Variants in HEMK2 observed in about 807,000 individuals in gnomAD.
HEMK2 encodes HemK methyltransferase 2, ETF1 glutamine and histone H4 lysine, also known as methyltransferase HEMK2.
At chr21:28,673,472 C>CACTT in the HEMK2 span, among the ~76,000 whole-genome samples, 2 of 148,368 alleles carry the variant, frequency 1.3e-5, no homozygotes, top group Non-Finnish European at 3.0e-5. Context: ...CAAACTCAAA[C>CACTT]ACTTAGCTCA....
At chr21:28,827,611 A>T in the HEMK2 span, among the ~76,000 whole-genome samples, 2 of 152,182 alleles carry the variant, frequency 1.3e-5, no homozygotes, top group Non-Finnish European at 2.9e-5. Flanking sequence ...TAACTAGTTT[A>T]CCCTCAGTCT....
the HEMK2 span, among the ~76,000 whole-genome samples, chr21:28,827,311 T>A: frequency 6.6e-6 from 1 of 152,200 alleles, no homozygotes; most frequent in African/African-American, 2.4e-5. Context: ...TTATTCTCAG[T>A]GCAACTAACT....
chr21:28,882,920 T>C, the HEMK2 span: 1 of 1,130,694 alleles, frequency 8.8e-7, no homozygotes, highest in East Asian at 2.5e-5. Flanking sequence ...CTTTAAAAAT[T>C]ATTTCATTAG....
At chr21:28,607,627 T>A in the HEMK2 span, among the ~76,000 whole-genome samples, 1 of 152,284 alleles carries the variant, frequency 6.6e-6, no homozygotes, top group East Asian at 1.9e-4. Context: ...TGTCTGCCTT[T>A]GAGATTAAAC....
chr21:28,580,568 TAAAA>T, the HEMK2 span, among the ~76,000 whole-genome samples: 15 of 148,240 alleles, frequency 1.0e-4, no homozygotes, highest in Admixed American at 2.0e-4. Flanking sequence ...TTAATGCACT[TAAAA>T]AAAAAAAGAC....
chr21:28,836,007 G>A, the HEMK2 span, among the ~76,000 whole-genome samples: 3 of 151,984 alleles, frequency 2.0e-5, no homozygotes, highest in East Asian at 1.9e-4. Context: ...ACAACCAAAC[G>A]TAATAATCAG....
the HEMK2 span, chr21:28,883,016 C>T: frequency 6.2e-7 from 1 of 1,607,090 alleles, no homozygotes; most frequent in Non-Finnish European, 8.5e-7. Context: ...ATCATAGAGG[C>T]TAGGAATGCA....
the HEMK2 span, among the ~76,000 whole-genome samples, chr21:28,684,298 G>A: frequency 6.6e-6 from 1 of 152,238 alleles, no homozygotes; most frequent in African/African-American, 2.4e-5. Flanking sequence ...AGGAAGGAAT[G>A]TCAATGCAGG....
At chr21:28,870,488 G>T in the HEMK2 span, among the ~76,000 whole-genome samples, 5 of 151,886 alleles carry the variant, frequency 3.3e-5, no homozygotes, top group Non-Finnish European at 7.4e-5. Context: ...TGCCATATCC[G>T]CCTCTGAAGC....
chr21:28,862,495 C>T, the HEMK2 span, among the ~76,000 whole-genome samples: 3 of 145,136 alleles, frequency 2.1e-5, no homozygotes, highest in Non-Finnish European at 4.5e-5. Context: ...AAAAATTAGC[C>T]TGGCGCGGTG....
chr21:28,644,306 G>A, the HEMK2 span, among the ~76,000 whole-genome samples: 1 of 152,088 alleles, frequency 6.6e-6, no homozygotes, highest in Admixed American at 6.6e-5. Context: ...ACTATCACAA[G>A]AGCAACATGG....
the HEMK2 span, among the ~76,000 whole-genome samples, chr21:28,880,479 C>T: frequency 1.3e-5 from 2 of 152,110 alleles, no homozygotes; most frequent in African/African-American, 4.8e-5. Context: ...TGCCTGTAAT[C>T]CCAGCACTTT....
the HEMK2 span, among the ~76,000 whole-genome samples, chr21:28,793,243 C>T: frequency 2.0e-5 from 3 of 152,196 alleles, no homozygotes; most frequent in Non-Finnish European, 4.4e-5. Flanking sequence ...AGACTCCCAT[C>T]TAGTGGTAAC....
the HEMK2 span, among the ~76,000 whole-genome samples, chr21:28,596,012 C>T: frequency 6.6e-6 from 1 of 151,388 alleles, no homozygotes; most frequent in Non-Finnish European, 1.5e-5. Context: ...TCTCGATCTC[C>T]TGACCTCATG....
the HEMK2 span, among the ~76,000 whole-genome samples, chr21:28,582,239 G>C: frequency 6.6e-6 from 1 of 152,170 alleles, no homozygotes; most frequent in African/African-American, 2.4e-5. Flanking sequence ...GAATTTATTA[G>C]TCTCGCTTTG....
At chr21:28,804,271 T>C in the HEMK2 span, among the ~76,000 whole-genome samples, 52 of 152,344 alleles carry the variant, frequency 3.4e-4, no homozygotes, top group African/African-American at 1.3e-3. Context: ...CAAGAGTTAC[T>C]ATCTGTGACT....
At chr21:28,862,519 G>C in the HEMK2 span, among the ~76,000 whole-genome samples, 1 of 145,220 alleles carries the variant, frequency 6.9e-6, no homozygotes, top group African/African-American at 2.7e-5. Flanking sequence ...GGCGCCTGTA[G>C]TCCCAGCTAC....
chr21:28,751,611 A>G, the HEMK2 span, among the ~76,000 whole-genome samples: 1 of 152,250 alleles, frequency 6.6e-6, no homozygotes, highest in Non-Finnish European at 1.5e-5. Context: ...AGATTTAGAC[A>G]GAAAAATTTC....
chr21:28,611,524 A>G, the HEMK2 span, among the ~76,000 whole-genome samples: 1 of 152,198 alleles, frequency 6.6e-6, no homozygotes, highest in South Asian at 2.1e-4. Flanking sequence ...ACCATGCAAG[A>G]GTAAACCAAA....
Sources: allele counts gnomAD v4.1 joint callset (sites outside exome capture counted in the v4.1 genomes callset), GRCh38; gene constraint gnomAD v4.1.1; transcripts MANE v1.5; gene names NCBI Gene and HGNC (gene_info 2026-07-23, HGNC 2026-07-21).